EMSY: variants seen among roughly 807,000 people sequenced by gnomAD.
The protein encoded by EMSY is EMSY transcriptional repressor, BRCA2 interacting, also known as BRCA2-interacting transcriptional repressor EMSY.
EMSY carries 26 observed loss-of-function variants against 134.6 expected under a neutral mutation model. The ratio of observed to expected loss-of-function variants is 0.19; its 90% CI spans 0.14 to 0.27. The LOEUF (loss-of-function observed/expected upper bound fraction) is 0.27, where lower values mean the gene tolerates loss of function less well. Among genes scored for constraint, EMSY ranks in the 10% least tolerant of loss-of-function variants. EMSY has a pLI of 1.00. For missense variants in EMSY, 1,305 were observed against 1,611.4 expected (o/e 0.81, Z 3.26); for synonymous variants, 579 against 577.8 (o/e 1.00, Z -0.03).
intron 7 of EMSY, among the ~76,000 whole-genome samples, chr11:76,465,328 A>G (rs892772859): frequency 6.6e-6 from 1 of 152,190 alleles, no homozygotes; most frequent in Non-Finnish European, 1.5e-5. Context: ...AGCTTTTGCC[A>G]CTTACTAGCT....
chr11:76,546,190 A>G (rs758548031), exon 20 of EMSY: 1 of 1,614,044 alleles, frequency 6.2e-7, no homozygotes, highest in Non-Finnish European at 8.5e-7. Flanking sequence ...TTCCCTAACG[A>G]CAAGGAAAAT....
intron 6 of EMSY, 149 bp from the exon 8 acceptor site, chr11:76,463,672 A>AC: frequency 2.5e-6 from 2 of 808,268 alleles, no homozygotes; most frequent in Non-Finnish European, 1.9e-6. Context: ...GCATTCAGAG[A>AC]CCACTTCTCT....
intron 4 of EMSY, among the ~76,000 whole-genome samples, chr11:76,457,190 T>TTA (rs1388148468): frequency 6.6e-6 from 1 of 152,170 alleles, no homozygotes; most frequent in Non-Finnish European, 1.5e-5. Flanking sequence ...AACAAGGGCT[T>TTA]TATACTCTTA....
chr11:76,490,855 GGTGTGTGTGT>G lies in EMSY; in HGVS notation c.1109-5343_1109-5334del, dbSNP rs61555535. Among the ~76,000 whole-genome samples, 23 of 148,686 alleles carry G rather than the reference GGTGTGTGTGT, an allele frequency of 1.5e-4. No homozygotes were observed. In the East Asian group the frequency reaches 4.4e-3, roughly 28 times the overall value. On this transcript the variant is annotated intron_variant, in intron 8 of 20. Coordinates refer to ENST00000334736, the Ensembl canonical transcript of EMSY. ...GTTCTGGATATGTTCATTGCTAGGG[GGTGTGTGTGT>G]GTGTGTGTGTGTGTGTAAACACATG...
intron 2 of EMSY, 87 bp from the exon 3 acceptor site, chr11:76,451,771 G>T: frequency 4.5e-6 from 3 of 667,886 alleles, no homozygotes; most frequent in Non-Finnish European, 6.9e-6. Flanking sequence ...ATTATTTTTA[G>T]TTTTTTTGCC....
At chr11:76,523,728 T>TTTTTTG (rs1950738208) in intron 12 of EMSY, among the ~76,000 whole-genome samples, 1 of 143,668 alleles carries the variant, frequency 7.0e-6, no homozygotes, top group Non-Finnish European at 1.5e-5. Flanking sequence ...TTTTTTTTCA[T>TTTTTTG]TTTTACCTCT....
chr11:76,510,220 G>T (rs1950225788), intron 9 of EMSY, among the ~76,000 whole-genome samples: 1 of 152,160 alleles, frequency 6.6e-6, no homozygotes, highest in Admixed American at 6.5e-5. Flanking sequence ...GAGTGTGGTG[G>T]CATATGCTTG....
intron 7 of EMSY, 83 bp from the exon 9 acceptor site, chr11:76,472,481 T>A (rs1267746410): frequency 1.6e-6 from 2 of 1,261,190 alleles, no homozygotes; most frequent in Non-Finnish European, 2.2e-6. Flanking sequence ...AAGCTATTTT[T>A]AAATTATATA....
intron 8 of EMSY, among the ~76,000 whole-genome samples, chr11:76,478,458 C>T (rs569868790): frequency 6.6e-6 from 1 of 151,610 alleles, no homozygotes; most frequent in African/African-American, 2.4e-5. Context: ...ATTCTCCTGC[C>T]TCAGCCTCCT....
At chr11:76,511,348 CTTAA>C (rs199779604) in intron 9 of EMSY, among the ~76,000 whole-genome samples, 4,841 of 152,184 alleles carry the variant, frequency 0.032, 106 homozygotes, top group Non-Finnish European at 0.047. Context: ...TTAAGATTAT[CTTAA>C]TTTTTTCTCT....
chr11:76,445,806 G>A (rs550724513), intron 1 of EMSY, among the ~76,000 whole-genome samples: 393 of 152,224 alleles, frequency 2.6e-3, no homozygotes, highest in African/African-American at 9.1e-3. Context: ...TGGAGGGAGA[G>A]GATTCCTTTG....
At chr11:76,486,813 G>A (rs1338092096) in intron 8 of EMSY, among the ~76,000 whole-genome samples, 1 of 152,212 alleles carries the variant, frequency 6.6e-6, no homozygotes, top group Non-Finnish European at 1.5e-5. Flanking sequence ...GGTCATAATA[G>A]TGATGATGAA....
intron 7 of EMSY, among the ~76,000 whole-genome samples, chr11:76,464,751 C>T (rs552614176): frequency 6.6e-6 from 1 of 152,280 alleles, no homozygotes; most frequent in East Asian, 1.9e-4. Context: ...GCATATCCTC[C>T]AGTAGCTACC....
At chr11:76,516,174 A>C in exon 11 of EMSY, 1 of 1,613,956 alleles carries the variant, frequency 6.2e-7, no homozygotes, top group Non-Finnish European at 8.5e-7. Flanking sequence ...GCCAACAGTG[A>C]GCCCATCCAT....
chr11:76,523,732 T>TTTTTTTTTC (rs1950738556), intron 12 of EMSY, among the ~76,000 whole-genome samples: 1 of 136,828 alleles, frequency 7.3e-6, no homozygotes, highest in Non-Finnish European at 1.6e-5. Context: ...TTTTCATTTT[T>TTTTTTTTTC]ACCTCTTTGA....
At position 76,544,258 on chromosome 11, in the gene EMSY, G is replaced by T; in HGVS notation, c.2710-1G>T. On this transcript the variant is annotated splice_acceptor_variant, in intron 18 of 20. Transcript: ENST00000334736. LOFTEE classifies it high-confidence loss of function. ...TCTTACTTTGTGCCTTTTTTACTTA[G>T]GCATTAAGCAGTCACACTGCTTTTA... 6.2e-7 allele frequency: 1 copy of T among 1,601,516 alleles called. No individual in the cohort carries two copies. Among genetic ancestry groups the T allele is most frequent in the Non-Finnish European group, 8.5e-7 (1 of 1,172,502 alleles).
At chr11:76,503,416 A>G (rs1320819998) in intron 9 of EMSY, among the ~76,000 whole-genome samples, 1 of 152,154 alleles carries the variant, frequency 6.6e-6, no homozygotes, top group Non-Finnish European at 1.5e-5. Context: ...CATAAGACAT[A>G]TAGATCAATG....
At chr11:76,547,381 T>C (rs185295358) in intron 20 of EMSY, among the ~76,000 whole-genome samples, 361 of 152,310 alleles carry the variant, frequency 2.4e-3, no homozygotes, top group African/African-American at 8.4e-3. Flanking sequence ...TTAAAATAAT[T>C]TGTTTCCCTT....
chr11:76,542,482 A>G, intron 18 of EMSY, 115 bp downstream of exon 19: 3 of 1,323,686 alleles, frequency 2.3e-6, no homozygotes, highest in East Asian at 2.3e-5. Flanking sequence ...TGTTTGTGTA[A>G]TTCTTTTCTA....
Sources: gnomAD v4.1 joint callset for allele counts (sites outside exome capture counted in the v4.1 genomes callset) on GRCh38, gnomAD v4.1.1 for gene constraint, MANE v1.5 for transcripts, NCBI Gene and HGNC (gene_info 2026-07-23, HGNC 2026-07-21) for gene names.